PSD3: variants seen among roughly 807,000 people sequenced by gnomAD.
PSD3 encodes PH and SEC7 domain-containing protein 3.
A neutral mutation model predicts 105.5 loss-of-function variants in PSD3; 49 were observed. The ratio of observed to expected loss-of-function variants is 0.46; its 90% CI spans 0.37 to 0.59. PSD3 has a LOEUF of 0.59. Ranked by LOEUF, PSD3 falls within the 20% of genes least tolerant of loss-of-function variation. PSD3 has a pLI of 0.00. For synonymous variants in PSD3, 557 were observed against 457.8 expected (o/e 1.22, Z -2.77); for missense variants, 1,561 against 1,263.8 (o/e 1.24, Z -3.57).
At chr8:18,559,179 C>T (rs1281185506) in intron 14 of PSD3, among the ~76,000 whole-genome samples, 1 of 152,196 alleles carries the variant, frequency 6.6e-6, no homozygotes, top group African/African-American at 2.4e-5. Context: ...TTAGAATATG[C>T]GCATCTTTAA....
intron 12 of PSD3, among the ~76,000 whole-genome samples, chr8:18,581,813 T>C (rs1011522384): frequency 1.3e-5 from 2 of 152,196 alleles, no homozygotes; most frequent in Admixed American, 6.5e-5. Context: ...GCTCCCAACA[T>C]GACATTTTGT....
At chr8:18,684,193 G>C in intron 9 of PSD3, 2 of 288,044 alleles carry the variant, frequency 6.9e-6, no homozygotes, top group East Asian at 7.3e-5. Flanking sequence ...CCTGCTACTC[G>C]TCTCTCTTTT....
chr8:18,849,038 A>G (rs1050551449), intron 4 of PSD3, among the ~76,000 whole-genome samples: 21 of 152,182 alleles, frequency 1.4e-4, no homozygotes, highest in African/African-American at 4.6e-4. Context: ...ATCACCTTAG[A>G]TCACCCTTAG....
chr8:18,957,614 G>A (rs1392107276), intron 1 of PSD3, among the ~76,000 whole-genome samples: 1 of 152,144 alleles, frequency 6.6e-6, no homozygotes, highest in East Asian at 1.9e-4. Flanking sequence ...CCTAGACAGG[G>A]AGGGCTGTAA....
At chr8:18,555,411 G>T (rs182342655) in intron 15 of PSD3, among the ~76,000 whole-genome samples, 1 of 151,948 alleles carries the variant, frequency 6.6e-6, no homozygotes, top group South Asian at 2.1e-4. Flanking sequence ...GGCAGATTCA[G>T]CACACCCACC....
chr8:18,760,551 G>A (rs1013008005), intron 9 of PSD3, among the ~76,000 whole-genome samples: 7 of 152,090 alleles, frequency 4.6e-5, no homozygotes, highest in South Asian at 2.1e-4. Flanking sequence ...CAGATTTATC[G>A]ATGTCACAAA....
chr8:18,660,283 C>G (rs991296163), intron 9 of PSD3, among the ~76,000 whole-genome samples: 5 of 151,990 alleles, frequency 3.3e-5, no homozygotes, highest in Non-Finnish European at 7.4e-5. Context: ...CTGGCGACCA[C>G]CAGAGGTTAG....
intron 8 of PSD3, among the ~76,000 whole-genome samples, chr8:18,770,378 A>G (rs1430008746): frequency 6.6e-6 from 1 of 152,184 alleles, no homozygotes; most frequent in East Asian, 1.9e-4. Context: ...TAATTTTCTT[A>G]TCACATATGT....
At chr8:18,905,301 C>T (rs768988921) in intron 2 of PSD3, among the ~76,000 whole-genome samples, 10 of 152,236 alleles carry the variant, frequency 6.6e-5, no homozygotes, top group Non-Finnish European at 1.5e-4. Flanking sequence ...CATGCCTCAC[C>T]AACTCTCAGT....
chr8:18,667,710 CAG>C (rs1799553831), intron 9 of PSD3, among the ~76,000 whole-genome samples: 1 of 152,230 alleles, frequency 6.6e-6, no homozygotes, highest in South Asian at 2.1e-4. Context: ...CTGATGGGAC[CAG>C]GCGCTGCGGA....
chr8:18,879,574 A>G (rs189327605), intron 2 of PSD3, among the ~76,000 whole-genome samples: 2 of 151,958 alleles, frequency 1.3e-5, no homozygotes, highest in East Asian at 2.0e-4. Flanking sequence ...ACCGTGAGAG[A>G]TCATCATTCA....
intron 2 of PSD3, among the ~76,000 whole-genome samples, chr8:18,931,364 G>T (rs959291423): frequency 3.3e-5 from 5 of 151,820 alleles, no homozygotes; most frequent in Admixed American, 6.6e-5. Flanking sequence ...AAACTGACAT[G>T]AGACACTTCT....
Position 18,891,502 on chromosome 8 carries a change from G to A in PSD3, c.131-18769C>T, listed in dbSNP as rs190185375. On this transcript the variant is annotated intron_variant, in intron 2 of 15. Coordinates refer to ENST00000327040, the MANE Select transcript of PSD3 (RefSeq NM_015310.4). Reference sequence around the variant, plus strand: ...GCAATTTTTTAAATGTGTGATGGAAGTTCTATCCTAACCTACAGTATCCAT... The same window carrying A: ...GCAATTTTTTAAATGTGTGATGGAAATTCTATCCTAACCTACAGTATCCAT... Among the ~76,000 whole-genome samples, 378 of 152,108 alleles carry A rather than the reference G, an allele frequency of 2.5e-3. 1 individual carries two copies. The highest frequency in any genetic ancestry group is 0.01 in the Middle Eastern group (3 of 294).
At chr8:18,815,136 C>T (rs1275334461) in intron 4 of PSD3, among the ~76,000 whole-genome samples, 1 of 152,044 alleles carries the variant, frequency 6.6e-6, no homozygotes, top group Admixed American at 6.5e-5. Context: ...ACAATCTAGC[C>T]AGGGAATATT....
chr8:18,856,768 A>C (rs544472555), intron 4 of PSD3, among the ~76,000 whole-genome samples: 2 of 152,264 alleles, frequency 1.3e-5, no homozygotes, highest in South Asian at 2.1e-4. Context: ...ACAACATCTC[A>C]AGTCAATTCG....
intron 12 of PSD3, among the ~76,000 whole-genome samples, chr8:18,579,612 C>G (rs1341948369): frequency 6.6e-6 from 1 of 152,024 alleles, no homozygotes; most frequent in Non-Finnish European, 1.5e-5. Flanking sequence ...AAATAAAAAG[C>G]TTTTTTTCCC....
intron 9 of PSD3, among the ~76,000 whole-genome samples, chr8:18,717,149 A>G (rs987986415): frequency 6.6e-6 from 1 of 152,224 alleles, no homozygotes; most frequent in Non-Finnish European, 1.5e-5. Context: ...CCCGTCTCCA[A>G]TATGCAACCT....
At chr8:18,682,518 G>C (rs140223317) in intron 9 of PSD3, among the ~76,000 whole-genome samples, 177 of 152,278 alleles carry the variant, frequency 1.2e-3, no homozygotes, top group African/African-American at 4.1e-3. Flanking sequence ...GGACTTTGAA[G>C]ACACGTTTCT....
At chr8:19,066,428 C>T (rs965801716) in intron 1 of PSD3, among the ~76,000 whole-genome samples, 3 of 152,192 alleles carry the variant, frequency 2.0e-5, no homozygotes, top group African/African-American at 7.2e-5. Context: ...CAACACACTA[C>T]TATCTTAGGG....
Sources: allele counts gnomAD v4.1 joint callset (sites outside exome capture counted in the v4.1 genomes callset), GRCh38; gene constraint gnomAD v4.1.1; transcripts MANE v1.5; gene names NCBI Gene and HGNC (gene_info 2026-07-23, HGNC 2026-07-21).